The following SERINC2 variants were observed in gnomAD, a reference collection of about 807,000 sequenced individuals.
SERINC2 encodes tumor differentially expressed protein 2.
Under a neutral mutation model 54.2 loss-of-function variants are expected in SERINC2, and 56 were observed. That is an observed-to-expected ratio of 1.03 (90% CI 0.83 to 1.29). SERINC2 has a LOEUF of 1.29. Ranked by LOEUF, SERINC2 falls within the 50% of genes most tolerant of loss-of-function variation. The pLI is 0.00. For synonymous variants in SERINC2, 272 were observed against 253.1 expected (o/e 1.07, Z -0.71); for missense variants, 614 against 607.4 (o/e 1.01, Z -0.12).
rs1641416900 is a variant in SERINC2, at chr1:31,434,465, T to A, written c.*266T>A. 2 of 493,590 alleles carry A rather than the reference T, an allele frequency of 4.1e-6. No homozygotes were observed. The highest frequency in any genetic ancestry group is 7.2e-6 in the Non-Finnish European group (2 of 276,934). 30.6% of individuals were successfully genotyped at this position (493,590 alleles called of 1,614,324 possible). The stretch of plus-strand genomic sequence containing the variant: ...TTCCCCTCCTCCCTGTTGCCCATAC[T>A]CAGCATCTCGGATGAAAGGGCTCCC... On this transcript the variant is annotated 3_prime_UTR_variant, in exon 10 of 10. Transcript: ENST00000373709.
At chr1:31,419,018 T>A (rs758274210) in intron 1 of SERINC2, among the ~76,000 whole-genome samples, 3 of 152,208 alleles carry the variant, frequency 2.0e-5, no homozygotes, top group Admixed American at 6.5e-5. Flanking sequence ...TGGGGCTTCT[T>A]AAATTCTGAG....
upstream of SERINC2, among the ~76,000 whole-genome samples, chr1:31,412,329 T>A (rs902198406): frequency 6.6e-5 from 10 of 152,096 alleles, no homozygotes; most frequent in African/African-American, 2.2e-4. Flanking sequence ...TGGCCGCCCC[T>A]CCCCACCTTC....
rs782536396 is a variant in SERINC2 at position 31,425,939 on chromosome 1, G to T, written c.610+26G>T. On this transcript the variant is annotated intron_variant, in intron 5 of 9. Coordinates refer to ENST00000373709, the MANE Select transcript of SERINC2 (RefSeq NM_178865.5). ...GTCAGTGCTGCCACCCTGCCTCCGT[G>T]TGGGGACTCGAGCCTGGGCAGGGCT... 5.2e-5 allele frequency: 83 copies of T among 1,601,754 alleles called. 1 individual carries two copies. Among genetic ancestry groups the T allele is most frequent in the Middle Eastern group, 3.3e-4 (2 of 6,054 alleles).
chr1:31,427,737 C>G (rs1553133836), intron 6 of SERINC2, among the ~76,000 whole-genome samples: 1 of 151,996 alleles, frequency 6.6e-6, no homozygotes, highest in Non-Finnish European at 1.5e-5. Context: ...GAGAAGAGGC[C>G]TAGCCAAGGT....
chr1:31,414,317 G>A, intron 1 of SERINC2: 1 of 1,307,204 alleles, frequency 7.6e-7, no homozygotes, highest in Non-Finnish European at 9.7e-7. Flanking sequence ...GTTCATTCAG[G>A]CAGCCCCCTC....
rs879986419 is a variant in SERINC2, at chr1:31,423,818, T to A, written c.165T>A (p.Ile55=). The A allele has an allele frequency of 4.3e-6, 7 of 1,613,876 alleles. No homozygotes were observed. The highest frequency in any genetic ancestry group is 1.3e-5 in the African/African-American group (1 of 74,904). The change falls in exon 2 of 10, where the codon ATT becomes ATA. Residue 55 remains isoleucine, a synonymous_variant. Transcript: ENST00000373709. ...FLFLGVLVSI[I]MLSPGVESQL... Reference sequence around the variant, plus strand: ...TCCTGGGGGTGCTGGTGTCCATCATTATGCTGAGCCCGGGCGTGGAGAGTC... The same window carrying A: ...TCCTGGGGGTGCTGGTGTCCATCATAATGCTGAGCCCGGGCGTGGAGAGTC...
chr1:31,431,795 A>ATAGGGTGGATAGGGTGGT (rs1641221138), intron 8 of SERINC2, among the ~76,000 whole-genome samples: 7 of 49,710 alleles, frequency 1.4e-4, no homozygotes, highest in Non-Finnish European at 1.9e-4. Context: ...GATAGGGTGG[A>ATAGGGTGGATAGGGTGGT]TAGGGTGGAC....
At chr1:31,432,389 A>T (rs1174026801) in intron 8 of SERINC2, among the ~76,000 whole-genome samples, 2 of 152,124 alleles carry the variant, frequency 1.3e-5, no homozygotes, top group Non-Finnish European at 2.9e-5. Flanking sequence ...ATCAAGGCTC[A>T]TCACAGAAAA....
chr1:31,425,180 T>C (rs562335239), intron 3 of SERINC2, 150 bp from the exon 4 acceptor site: 8 of 703,760 alleles, frequency 1.1e-5, no homozygotes, highest in Non-Finnish European at 2.1e-5. Context: ...GGAGAGACTT[T>C]CTGTGCCTAT....
At chr1:31,415,489 C>T (rs762386612) in intron 1 of SERINC2, among the ~76,000 whole-genome samples, 2 of 152,370 alleles carry the variant, frequency 1.3e-5, no homozygotes, top group South Asian at 2.1e-4. Context: ...TCCCAACACT[C>T]GCAGCGTGGA....
Position 31,420,570 on chromosome 1 carries a change from T to G in SERINC2, c.40-3123T>G, listed in dbSNP as rs1017964777. Among the ~76,000 whole-genome samples the G allele has an allele frequency of 3.3e-5, 5 of 152,150 alleles. No individual in the cohort carries two copies. The South Asian group carries it at 1.0e-3, about 32-fold the overall frequency. On this transcript the variant is annotated intron_variant, in intron 1 of 9. Coordinates refer to ENST00000373709, the MANE Select transcript of SERINC2 (RefSeq NM_178865.5). ...TTGTTTTTTCATCACTGGGATGTAT[T>G]TAAATTAAATAAGATGACCATCAGT... is the stretch of plus-strand genomic sequence containing the variant.
chr1:31,422,857 G>T (rs1425823081), intron 1 of SERINC2, among the ~76,000 whole-genome samples: 2 of 152,190 alleles, frequency 1.3e-5, no homozygotes, highest in African/African-American at 4.8e-5. Flanking sequence ...CCAGGCCAGG[G>T]GAAGGGCTGA....
In SERINC2 at chr1:31,426,843, C is replaced by T. The variant is rs529163504; in HGVS notation, c.780+20C>T. The T allele has an allele frequency of 1.6e-5, 25 of 1,608,286 alleles. No individual in the cohort carries two copies. Among genetic ancestry groups the T allele is most frequent in the Middle Eastern group, 1.7e-4 (1 of 6,036 alleles). On this transcript the variant is annotated intron_variant, in intron 6 of 9. Transcript: ENST00000373709. Reference sequence around the variant, plus strand: ...GTCCAGGTGAGCCTGCCTGACCCCCCCTGGCCTGAAGCCCGGCCCCTTAGT... The same window carrying T: ...GTCCAGGTGAGCCTGCCTGACCCCCTCTGGCCTGAAGCCCGGCCCCTTAGT...
At position 31,434,126 on chromosome 1, in the gene SERINC2, G is replaced by T. The variant is rs1553135320; in HGVS notation, c.1295G>T (p.Ser432Ile). 6.2e-7 allele frequency: 1 copy of T among 1,613,998 alleles called. No individual in the cohort carries two copies. The highest frequency in any genetic ancestry group is 1.1e-5 in the South Asian group (1 of 91,088). ...WTAVWVKICASWAGLLLYLWT... is the reference protein window; with the variant it reads ...WTAVWVKICAIWAGLLLYLWT... ...GCCGTGTGGGTGAAGATCTGTGCCA[G>T]CTGGGCAGGGCTGCTCCTCTACCTG... Residue 432 changes from serine (S) to isoleucine (I), a missense_variant, in exon 10 of 10, where the codon AGC becomes ATC. Ser to Ile is a moderately radical substitution (Grantham distance 142). Coordinates refer to ENST00000373709, the MANE Select transcript of SERINC2 (RefSeq NM_178865.5).
At chr1:31,432,039 C>CAGGGTGGAT (rs1641266687) in intron 8 of SERINC2, among the ~76,000 whole-genome samples, 2 of 15,522 alleles carry the variant, frequency 1.3e-4, no homozygotes, top group Non-Finnish European at 2.4e-4. Context: ...ACAGGGTGGA[C>CAGGGTGGAT]AGGGTGGACA....
chr1:31,426,955 G>C, intron 6 of SERINC2, 132 bp downstream of exon 6: 1 of 775,988 alleles, frequency 1.3e-6, no homozygotes, highest in Non-Finnish European at 2.1e-6. Context: ...TCCCAGGTCA[G>C]CCTCCCCAGG....
chr1:31,425,217 C>A, intron 3 of SERINC2, 113 bp from the exon 4 acceptor site: 1 of 831,420 alleles, frequency 1.2e-6, no homozygotes. Context: ...CCACCCTCAC[C>A]CCTCTCAGCA....
chr1:31,434,523 G>A lies in SERINC2; in HGVS notation c.*324G>A. 5.8e-6 allele frequency: 2 copies of A among 342,314 alleles called. No individual in the cohort carries two copies. Among genetic ancestry groups the A allele is most frequent in the Non-Finnish European group, 1.1e-5 (2 of 184,652 alleles). The allele number at this position is 342,314 out of a possible 1,614,324, so 21.2% of individuals were successfully genotyped here. A position where few individuals can be genotyped will look rare whatever the true frequency, so the allele number is the denominator to read the frequency against. On this transcript the variant is annotated 3_prime_UTR_variant, in exon 10 of 10. Transcript: ENST00000373709. The stretch of plus-strand genomic sequence containing the variant: ...CAGGCTCCACGGGAGCGGGGCTGCT[G>A]GAGAGAGCGGGGAACTCCCACCACA...
intron 8 of SERINC2, among the ~76,000 whole-genome samples, chr1:31,431,821 G>C (rs1553134527): frequency 7.6e-6 from 1 of 131,370 alleles, no homozygotes; most frequent in South Asian, 2.4e-4. Context: ...GGACAGGGTG[G>C]ATAGGGTGGA....
Sources: allele counts gnomAD v4.1 joint callset (sites outside exome capture counted in the v4.1 genomes callset), GRCh38; gene constraint gnomAD v4.1.1; transcripts MANE v1.5; gene names NCBI Gene and HGNC (gene_info 2026-07-23, HGNC 2026-07-21).